PALS2: variants seen among roughly 807,000 people sequenced by gnomAD.
PALS2 encodes the protein protein associated with LIN7 2, MAGUK p55 family member.
Under a neutral mutation model 61.6 loss-of-function variants are expected in PALS2, and 27 were observed. The ratio of observed to expected loss-of-function variants is 0.44; its 90% CI spans 0.32 to 0.60. PALS2 has a LOEUF of 0.60. Among genes scored for constraint, PALS2 ranks in the 20% least tolerant of loss-of-function variants. PALS2 has a pLI of 0.05. For synonymous variants in PALS2, 236 were observed against 218.6 expected (o/e 1.08, Z -0.70); for missense variants, 554 against 639.4 (o/e 0.87, Z 1.44).
Position 24,577,913 on chromosome 7 carries a change from G to A in PALS2, c.-3+4320G>A, listed in dbSNP as rs80225440. On this transcript the variant is annotated intron_variant, in intron 1 of 11. Coordinates refer to ENST00000222644, the MANE Select transcript of PALS2 (RefSeq NM_001303037.2). ...AATCTCCATACTCACTAGAATATAA[G>A]CCCCGTGATATCAATGATCTTGTCT... 7.2e-3 allele frequency among the ~76,000 whole-genome samples: 1,099 copies of A among 151,972 alleles called. 48 individuals carry two copies. The East Asian group carries it at 0.12, about 16-fold the overall frequency.
chr7:24,668,135 A>G (rs1368964618), intron 8 of PALS2, among the ~76,000 whole-genome samples: 1 of 151,832 alleles, frequency 6.6e-6, no homozygotes, highest in Non-Finnish European at 1.5e-5. Flanking sequence ...CCTGGGCAAC[A>G]TAGCAAGATC....
chr7:24,589,949 A>C (rs1783219789), intron 1 of PALS2, among the ~76,000 whole-genome samples: 1 of 152,164 alleles, frequency 6.6e-6, no homozygotes, highest in African/African-American at 2.4e-5. Context: ...CTCAGTGTTT[A>C]GTGTCCCTTA....
At chr7:24,586,274 C>T (rs190919409) in intron 1 of PALS2, among the ~76,000 whole-genome samples, 23 of 152,110 alleles carry the variant, frequency 1.5e-4, no homozygotes, top group African/African-American at 5.5e-4. Flanking sequence ...TCATGTGTGG[C>T]AGACTGTAAG....
chr7:24,675,805 G>C (rs1787548922), intron 9 of PALS2, among the ~76,000 whole-genome samples: 1 of 120,142 alleles, frequency 8.3e-6, no homozygotes, highest in Non-Finnish European at 1.6e-5. Context: ...TGGACATTTG[G>C]ATTGGTTCCA....
At chr7:24,579,073 C>T (rs1317405288) in intron 1 of PALS2, among the ~76,000 whole-genome samples, 1 of 152,060 alleles carries the variant, frequency 6.6e-6, no homozygotes, top group Non-Finnish European at 1.5e-5. Flanking sequence ...ATATAAAGTA[C>T]CTACTAACCA....
At chr7:24,685,249 C>G (rs768517869) in intron 11 of PALS2, among the ~76,000 whole-genome samples, 1 of 152,120 alleles carries the variant, frequency 6.6e-6, no homozygotes, top group Non-Finnish European at 1.5e-5. Context: ...GTTAAACCAC[C>G]AACTTGAAAC....
intron 5 of PALS2, among the ~76,000 whole-genome samples, chr7:24,657,915 A>T (rs575169494): frequency 1.3e-5 from 2 of 152,314 alleles, no homozygotes; most frequent in South Asian, 4.1e-4. Context: ...TATATTTTGC[A>T]TATGAATATT....
chr7:24,641,629 T>C, intron 2 of PALS2, 87 bp from the exon 3 acceptor site: 1 of 1,203,726 alleles, frequency 8.3e-7, no homozygotes, highest in Non-Finnish European at 1.1e-6. Flanking sequence ...GTAATATATT[T>C]TAAAACTTTA....
At chr7:24,677,284 G>C (rs1787664323) in intron 9 of PALS2, among the ~76,000 whole-genome samples, 1 of 152,118 alleles carries the variant, frequency 6.6e-6, no homozygotes, top group South Asian at 2.1e-4. Context: ...GAGACAATGG[G>C]GTTTTCTAGA....
chr7:24,669,591 A>C (rs1021321538), intron 9 of PALS2, among the ~76,000 whole-genome samples: 2 of 152,146 alleles, frequency 1.3e-5, no homozygotes, highest in Non-Finnish European at 2.9e-5. Flanking sequence ...AATGCCTTTA[A>C]GCTATTTTGA....
chr7:24,609,154 G>C (rs894662420), intron 1 of PALS2, among the ~76,000 whole-genome samples: 3 of 152,110 alleles, frequency 2.0e-5, no homozygotes, highest in Non-Finnish European at 2.9e-5. Context: ...CAAATGCCTG[G>C]TGATATAATT....
intron 1 of PALS2, among the ~76,000 whole-genome samples, chr7:24,588,604 C>T (rs569138580): frequency 6.6e-6 from 1 of 152,176 alleles, no homozygotes; most frequent in Non-Finnish European, 1.5e-5. Context: ...AAAGTTTGAA[C>T]AACAAGACCC....
chr7:24,574,905 T>C (rs912484622), intron 1 of PALS2, among the ~76,000 whole-genome samples: 4 of 152,220 alleles, frequency 2.6e-5, no homozygotes, highest in Admixed American at 1.3e-4. Flanking sequence ...ATATTGCTTA[T>C]TGTAGGCATC....
chr7:24,596,053 G>A lies in PALS2; in HGVS notation c.-3+22460G>A, dbSNP rs1783513019. On this transcript the variant is annotated intron_variant, in intron 1 of 11. Coordinates refer to ENST00000222644, the MANE Select transcript of PALS2 (RefSeq NM_001303037.2). The surrounding 1 kb of genome is among the most constrained non-coding windows in gnomAD (Gnocchi z 4.5). Reference sequence around the variant, plus strand: ...GTGACAAATCATGAAGGCGCTAAGCGGCCATGGTCAAGAGTGTGGCTAGTT... The same window carrying A: ...GTGACAAATCATGAAGGCGCTAAGCAGCCATGGTCAAGAGTGTGGCTAGTT... 1.3e-5 allele frequency among the ~76,000 whole-genome samples: 2 copies of A among 152,058 alleles called. No homozygotes were observed. The highest frequency in any genetic ancestry group is 2.1e-4 in the South Asian group (1 of 4,824).
rs560090434 is a variant in PALS2 at position 24,637,727 on chromosome 7, T to G, written c.118-3989T>G. ...TTTGTTTGCAAGCATGGTTGGAGTG[T>G]CCTTGAGTGAAATACCCAGAAGTTC... On this transcript the variant is annotated intron_variant, in intron 2 of 11. Transcript: ENST00000222644. 1.8e-3 allele frequency among the ~76,000 whole-genome samples: 277 copies of G among 152,320 alleles called. 1 individual carries two copies. Among genetic ancestry groups the G allele is most frequent in the Non-Finnish European group, 2.8e-3 (193 of 68,024 alleles).
chr7:24,650,613 A>G lies in PALS2; in HGVS notation c.552A>G (p.Gly184=). Residue 184 remains glycine, a synonymous_variant, in exon 5 of 12, where the codon GGA becomes GGG. Transcript: ENST00000222644. ...AAGAAGTCAATGGCCATGAGGTTGG[A>G]AATAATCCAAAGGAATTACAAGAAT... is the stretch of plus-strand genomic sequence containing the variant. ...IIKEVNGHEV[G]NNPKELQELL... 1 of 1,612,620 alleles carries G rather than the reference A, an allele frequency of 6.2e-7. No individual in the cohort carries two copies. The highest frequency in any genetic ancestry group is 8.5e-7 in the Non-Finnish European group (1 of 1,178,856).
intron 1 of PALS2, among the ~76,000 whole-genome samples, chr7:24,617,876 G>C (rs1784348111): frequency 1.3e-5 from 2 of 152,186 alleles, no homozygotes; most frequent in South Asian, 4.1e-4. Context: ...GCCTGGGTTG[G>C]GGCCACTGGG....
rs1162759261 is a variant in PALS2 at position 24,692,000 on chromosome 7, TG to T, written c.*4387del. On this transcript the variant is annotated 3_prime_UTR_variant, in exon 12 of 12. Coordinates refer to ENST00000222644, the MANE Select transcript of PALS2 (RefSeq NM_001303037.2). ...GCATATATTGTATACCTGAGGAAGATGACAGTTCTATAATTTTTTTAAGGTA... is the reference window on the plus strand; with the variant it reads ...GCATATATTGTATACCTGAGGAAGATACAGTTCTATAATTTTTTTAAGGTA... The T allele has an allele frequency of 2.6e-5, 4 of 152,166 alleles. No homozygotes were observed. Among genetic ancestry groups the T allele is most frequent in the African/African-American group, 9.6e-5 (4 of 41,470 alleles). 9.4% of individuals were successfully genotyped at this position (152,166 alleles called of 1,614,324 possible). A position where few individuals can be genotyped will look rare whatever the true frequency, so the allele number is the denominator to read the frequency against.
rs1019199879 is a variant in PALS2, at chr7:24,573,713, C to G, written c.-3+120C>G. On this transcript the variant is annotated intron_variant, in intron 1 of 11. Transcript: ENST00000222644. This position sits in a 1 kb window ranked among gnomAD's most constrained non-coding sequence, Gnocchi z 5.3. ...CGGGGACCCTGGCCCGCCCCGCCCC[C>G]CTCGGCACCTGGGCTTCGGCGGGCG... 6.5e-6 allele frequency: 1 copy of G among 154,544 alleles called. No homozygotes were observed. The highest frequency in any genetic ancestry group is 6.6e-5 in the Admixed American group (1 of 15,072). The allele number at this position is 154,544 out of a possible 1,614,324, so 9.6% of individuals were successfully genotyped here.
Sources: allele counts gnomAD v4.1 joint callset (sites outside exome capture counted in the v4.1 genomes callset), GRCh38; gene constraint gnomAD v4.1.1; non-coding constraint Gnocchi (gnomAD v3.1); transcripts MANE v1.5; gene names NCBI Gene and HGNC (gene_info 2026-07-23, HGNC 2026-07-21).